Variants in FAM186A observed in about 807,000 individuals in gnomAD.
FAM186A encodes family with sequence similarity 186 member A, also known as protein FAM186A.
Under a neutral mutation model 216.8 loss-of-function variants are expected in FAM186A, and 163 were observed. The observed-to-expected ratio is 0.75, with a 90% CI of 0.66 to 0.86. The LOEUF is 0.86. FAM186A is among the 40% of genes least tolerant of loss of function. The pLI, the probability that FAM186A is intolerant of heterozygous loss-of-function variation, is 0.00. For missense variants in FAM186A, 2,184 were observed against 2,746.2 expected, an observed-to-expected ratio of 0.80 and a Z score of 4.58; for synonymous variants, 805 against 1,025.3, an observed-to-expected ratio of 0.79 and a Z score of 4.10.
At chr12:50,394,709 AGCCACTGT>A (rs1489314762) in intron 1 of FAM186A, among the ~76,000 whole-genome samples, 1 of 128,578 alleles carries the variant, frequency 7.8e-6, no homozygotes, top group African/African-American at 3.0e-5. Flanking sequence ...TACAGGAGTG[AGCCACTGT>A]GCCTGGCTAA....
intron 1 of FAM186A, among the ~76,000 whole-genome samples, chr12:50,388,955 C>T (rs919642698): frequency 1.3e-5 from 2 of 151,722 alleles, no homozygotes; most frequent in Non-Finnish European, 1.5e-5. Flanking sequence ...AAGTCCGAAG[C>T]GGGAGGATCA....
intron 4 of FAM186A, among the ~76,000 whole-genome samples, chr12:50,346,011 A>AAAT (rs1214124865): frequency 8.0e-5 from 12 of 149,720 alleles, no homozygotes. Context: ...AAAAAAAAAA[A>AAAT]AAATACAAAA....
At position 50,355,829 on chromosome 12, in the gene FAM186A, T is replaced by C; in HGVS notation, c.1003A>G (p.Ile335Val). 1.3e-6 allele frequency: 2 copies of C among 1,551,518 alleles called. No homozygotes were observed. Among genetic ancestry groups the C allele is most frequent in the South Asian group, 1.2e-5 (1 of 84,002 alleles). ...TTTGCATATAGTTGTTCTATAACAA[T>C]TTTGGATCGAATAAGTTGTTCACAT... ...EKCEQLIRSK[I>V]VIEQLYAKLS... is the part of the protein sequence containing the mutation. Residue 335 changes from isoleucine to valine, a missense_variant, in exon 4 of 8, where the codon ATT becomes GTT. By Grantham distance (29) the Ile-to-Val change is conservative (BLOSUM62 3). Around this residue, in one of 7 missense-constraint regions of FAM186A, gnomAD observed 1,132 missense variants for 1,263.4 expected, o/e 0.90. Coordinates refer to ENST00000327337, the MANE Select transcript of FAM186A (RefSeq NM_001145475.3).
chr12:50,352,798 TG>T lies in FAM186A; in HGVS notation c.4033del (p.Gln1345ArgfsTer187). The T allele has an allele frequency of 6.5e-7, 1 of 1,547,982 alleles. No individual in the cohort carries two copies. Among genetic ancestry groups the T allele is most frequent in the Non-Finnish European group, 8.7e-7 (1 of 1,145,842 alleles). ...AGTGGTGAGAGGCATCCCCAAGGCC[TG>T]GGCCTGCTGAGGGGTGAGAGTGATC... ...QEITLTPQQAQALGMPLTTQQ... is the reference protein window; with the variant it reads ...QEITLTPQQAXALGMPLTTQQ... On this transcript the variant is annotated frameshift_variant, in exon 4 of 8. Transcript: ENST00000327337. LOFTEE classifies it high-confidence loss of function.
chr12:50,357,163 A>G (rs1358940908), intron 3 of FAM186A, among the ~76,000 whole-genome samples: 1 of 152,120 alleles, frequency 6.6e-6, no homozygotes, highest in Non-Finnish European at 1.5e-5. Flanking sequence ...TTTTTTCTGA[A>G]TCAAAGCTTG....
chr12:50,359,029 C>G (rs1178394750), intron 3 of FAM186A, among the ~76,000 whole-genome samples: 1 of 151,960 alleles, frequency 6.6e-6, no homozygotes, highest in Non-Finnish European at 1.5e-5. Flanking sequence ...ATGAAACATG[C>G]TCAGCATCAT....
chr12:50,386,560 A>G (rs1943305774), intron 1 of FAM186A, among the ~76,000 whole-genome samples: 1 of 151,940 alleles, frequency 6.6e-6, no homozygotes, highest in South Asian at 2.1e-4. Context: ...CGTTTTGGTC[A>G]ACTCAATACA....
chr12:50,331,609 GA>G (rs894012689), intron 6 of FAM186A, 60 bp downstream of exon 6: 410 of 1,436,714 alleles, frequency 2.9e-4, no homozygotes, highest in East Asian at 4.6e-4. Flanking sequence ...CTTGGGCAGG[GA>G]AAAAAAAATT....
At chr12:50,346,237 A>AAAGGAAGAAAGAAAG in intron 4 of FAM186A, among the ~76,000 whole-genome samples, 1 of 102,184 alleles carries the variant, frequency 9.8e-6, no homozygotes. Flanking sequence ...AAGAAAGAAA[A>AAAGGAAGAAAGAAAG]AAAGAAAGAA....
At chr12:50,364,498 C>G (rs1408470657) in intron 1 of FAM186A, among the ~76,000 whole-genome samples, 3 of 151,704 alleles carry the variant, frequency 2.0e-5, no homozygotes, top group Non-Finnish European at 4.4e-5. Context: ...GTGGAGCTTA[C>G]AGTGAGCCGA....
chr12:50,346,378 C>T, intron 4 of FAM186A, among the ~76,000 whole-genome samples: 1 of 151,918 alleles, frequency 6.6e-6, no homozygotes. Context: ...ATTACAGGCA[C>T]ACACCACCAT....
chr12:50,361,055 C>A (rs894202876), intron 2 of FAM186A, 129 bp from the exon 3 acceptor site: 4 of 590,172 alleles, frequency 6.8e-6, no homozygotes, highest in African/African-American at 3.8e-5. Context: ...ACACTTACTG[C>A]CATTCTGAGG....
chr12:50,358,706 C>T (rs1333103322), intron 3 of FAM186A, among the ~76,000 whole-genome samples: 1 of 151,586 alleles, frequency 6.6e-6, no homozygotes, highest in Non-Finnish European at 1.5e-5. Context: ...GGGTGGATCA[C>T]GAGGTCAGGA....
In FAM186A at chr12:50,353,493, AG is replaced by A; in HGVS notation, c.3338del (p.Pro1113LeufsTer55). ...GGATCTCCAGGGCCTGGGCCTGCTGAGGGGTGAGAGGGATCCCTAGTTCCTG... is the reference window on the plus strand; with the variant it reads ...GGATCTCCAGGGCCTGGGCCTGCTGAGGGTGAGAGGGATCCCTAGTTCCTG... Reference protein sequence around the residue: ...QAQELGIPLTPQQAQALEILF... With the variant: ...QAQELGIPLTXQQAQALEILF... On this transcript the variant is annotated frameshift_variant, in exon 4 of 8. Coordinates refer to ENST00000327337, the MANE Select transcript of FAM186A (RefSeq NM_001145475.3). LOFTEE classifies it high-confidence loss of function. The A allele has an allele frequency of 6.5e-7, 1 of 1,539,418 alleles. No homozygotes were observed. The highest frequency in any genetic ancestry group is 8.8e-7 in the Non-Finnish European group (1 of 1,141,096).
At chr12:50,387,393 A>G (rs74090120) in intron 1 of FAM186A, among the ~76,000 whole-genome samples, 15,417 of 152,222 alleles carry the variant, frequency 0.1, 1,533 homozygotes, top group East Asian at 0.34. Flanking sequence ...GGGGTTCATC[A>G]TCTGGTACCA....
At chr12:50,361,762 A>G (rs10783352) in intron 2 of FAM186A, among the ~76,000 whole-genome samples, 96,181 of 147,326 alleles carry the variant, frequency 0.65, 31,251 homozygotes, top group East Asian at 0.75. Context: ...GTAGAGATGG[A>G]GTTTCACCAT....
chr12:50,331,903 C>A (rs1402926154), intron 5 of FAM186A, 82 bp from the exon 6 acceptor site: 1 of 1,205,302 alleles, frequency 8.3e-7, no homozygotes, highest in Non-Finnish European at 1.1e-6. Flanking sequence ...TGGCCCTAGA[C>A]TAAACTGTGA....
At chr12:50,346,201 A>AAGAGAGAG (rs71083536) in intron 4 of FAM186A, among the ~76,000 whole-genome samples, 30,073 of 73,840 alleles carry the variant, frequency 0.41, 9,344 homozygotes, top group East Asian at 0.54. Context: ...GAAAGAAAGA[A>AAGAGAGAG]AGAGAGAGAG....
chr12:50,356,999 AACATACATACATACATACATACAT>A (rs71749786), intron 3 of FAM186A, among the ~76,000 whole-genome samples: 105 of 150,022 alleles, frequency 7.0e-4, no homozygotes, highest in Non-Finnish European at 1.1e-3. Flanking sequence ...ACTTCGTCTC[AACATACATACATACATACATACAT>A]ACATACATAC....
Sources: gnomAD v4.1 joint callset for allele counts (sites outside exome capture counted in the v4.1 genomes callset) on GRCh38, gnomAD v4.1.1 for gene constraint, gnomAD v4.1.1 regional missense constraint, MANE v1.5 for transcripts, NCBI Gene and HGNC (gene_info 2026-07-23, HGNC 2026-07-21) for gene names.